ABCG2: variants seen among roughly 807,000 people sequenced by gnomAD.
ABCG2 encodes the protein broad substrate specificity ATP-binding cassette transporter ABCG2.
ABCG2 carries 80 observed loss-of-function variants against 73.5 expected under a neutral mutation model. That is an observed-to-expected ratio of 1.09 (90% CI 0.91 to 1.31). The LOEUF (loss-of-function observed/expected upper bound fraction) is 1.31, where lower values mean the gene tolerates loss of function less well. ABCG2 is among the 50% of genes most tolerant of loss of function. ABCG2 has a pLI of 0.00. For missense variants in ABCG2, 796 were observed against 786.2 expected (o/e 1.01, Z -0.15); for synonymous variants, 269 against 282.4 (o/e 0.95, Z 0.48).
At chr4:88,214,153 A>C (rs2110125783) in intron 1 of ABCG2, among the ~76,000 whole-genome samples, 1 of 151,194 alleles carries the variant, frequency 6.6e-6, no homozygotes, top group African/African-American at 2.4e-5. Flanking sequence ...ATGCCTGGCT[A>C]ATTTCTGTAT....
chr4:88,146,535 C>T (rs1726016028), intron 1 of ABCG2, among the ~76,000 whole-genome samples: 1 of 152,166 alleles, frequency 6.6e-6, no homozygotes, highest in African/African-American at 2.4e-5. Context: ...GCTGGGACTA[C>T]AGGCGCCCAC....
chr4:88,224,526 C>T lies in ABCG2; in HGVS notation c.-20+6468G>A, dbSNP rs546869033. On this transcript the variant is annotated intron_variant, in intron 1 of 15. Coordinates refer to the ABCG2 transcript ENST00000515655. ...TTTTTTTTTGAAACAGGGTCTCTCT[C>T]TGTTGCCCAGGCTGGAATGCAGTGG... Among the ~76,000 whole-genome samples, 6 of 151,824 alleles carry T rather than the reference C, an allele frequency of 4.0e-5. No individual in the cohort carries two copies. The South Asian group carries it at 1.2e-3, about 31-fold the overall frequency.
chr4:88,155,426 A>T (rs1467672361), intron 1 of ABCG2, among the ~76,000 whole-genome samples: 2 of 152,190 alleles, frequency 1.3e-5, no homozygotes, highest in Non-Finnish European at 2.9e-5. Flanking sequence ...CAGAGCCAGG[A>T]TGAGCCAGAA....
At chr4:88,144,610 A>G (rs745783831) in intron 1 of ABCG2, among the ~76,000 whole-genome samples, 3 of 151,634 alleles carry the variant, frequency 2.0e-5, no homozygotes, top group Non-Finnish European at 2.9e-5. Context: ...CCGATGCCAC[A>G]ACGCCCAACT....
chr4:88,118,119 A>G lies in ABCG2; in HGVS notation c.831T>C (p.Phe277=), dbSNP rs375693664. Residue 277 remains phenylalanine (F), a synonymous_variant, in exon 7 of 16, where the codon TTT becomes TTC. Transcript: ENST00000237612. ...AAAAGTCAACCATACCAGCTGATTC[A>G]AAGTATCCCAAGGCCTCCTGAGCAG... is the stretch of plus-strand genomic sequence containing the variant. ...HGPAQEALGY[F]ESAGYHCEAY... The G allele has an allele frequency of 3.7e-6, 6 of 1,612,788 alleles. No homozygotes were observed. Among genetic ancestry groups the G allele is most frequent in the Middle Eastern group, 1.6e-4 (1 of 6,078 alleles).
At chr4:88,155,070 C>T (rs1726845000) in intron 1 of ABCG2, among the ~76,000 whole-genome samples, 1 of 151,952 alleles carries the variant, frequency 6.6e-6, no homozygotes, top group East Asian at 1.9e-4. Context: ...TCAGGGAGAG[C>T]TAGGGTGGGG....
upstream of ABCG2, among the ~76,000 whole-genome samples, chr4:88,160,145 G>A (rs372906438): frequency 7.1e-4 from 107 of 151,630 alleles, 6 homozygotes; most frequent in South Asian, 0.02. Flanking sequence ...CGAGGCTAAG[G>A]AACAAGAAGC....
At chr4:88,177,103 T>G (rs1009108120) in intron 1 of ABCG2, among the ~76,000 whole-genome samples, 2 of 152,208 alleles carry the variant, frequency 1.3e-5, no homozygotes, top group Admixed American at 6.5e-5. Context: ...CCGGGCGCAG[T>G]GGCTCACGCC....
chr4:88,092,535 C>T (rs1427607959), intron 15 of ABCG2, among the ~76,000 whole-genome samples, 154 bp from the exon 16 acceptor site: 3 of 152,152 alleles, frequency 2.0e-5, no homozygotes, highest in Admixed American at 6.5e-5. Flanking sequence ...TGTGTGTTTA[C>T]AATTTTGCTA....
intron 1 of ABCG2, among the ~76,000 whole-genome samples, chr4:88,210,223 A>T (rs1402458161): frequency 6.6e-6 from 1 of 151,472 alleles, no homozygotes; most frequent in Non-Finnish European, 1.5e-5. Flanking sequence ...ACACACACAT[A>T]TACATATATA....
chr4:88,225,050 T>C (rs1177586042), intron 1 of ABCG2, among the ~76,000 whole-genome samples: 2 of 152,194 alleles, frequency 1.3e-5, no homozygotes, highest in Non-Finnish European at 2.9e-5. Context: ...TGGATGTCTG[T>C]CTTTATGTTA....
intron 1 of ABCG2, among the ~76,000 whole-genome samples, chr4:88,174,032 G>A (rs1231199461): frequency 6.6e-6 from 1 of 152,090 alleles, no homozygotes; most frequent in African/African-American, 2.4e-5. Context: ...AGAAATTCAT[G>A]TTGAAGTGCT....
At chr4:88,142,576 A>C (rs776554371) in intron 1 of ABCG2, among the ~76,000 whole-genome samples, 1 of 152,166 alleles carries the variant, frequency 6.6e-6, no homozygotes, top group Non-Finnish European at 1.5e-5. Context: ...AAGCAGTGAA[A>C]GAGAAGGCAC....
At chr4:88,168,435 TG>T (rs2110091233) in intron 1 of ABCG2, among the ~76,000 whole-genome samples, 1 of 150,976 alleles carries the variant, frequency 6.6e-6, no homozygotes, top group South Asian at 2.1e-4. Context: ...TGCAGTGAGC[TG>T]GGATCTCGCC....
chr4:88,130,134 A>G (rs1408021335), intron 5 of ABCG2, among the ~76,000 whole-genome samples: 1 of 152,220 alleles, frequency 6.6e-6, no homozygotes, highest in African/African-American at 2.4e-5. Flanking sequence ...TGAAACATAT[A>G]GAGCAGGGGT....
chr4:88,133,031 A>G (rs950772714), intron 2 of ABCG2, among the ~76,000 whole-genome samples: 3 of 152,296 alleles, frequency 2.0e-5, no homozygotes, highest in Admixed American at 1.3e-4. Context: ...TCTCTAACCC[A>G]TTTATATTTT....
upstream of ABCG2, chr4:88,158,819 G>A: frequency 1.5e-5 from 5 of 336,242 alleles, no homozygotes; most frequent in South Asian, 8.8e-5. Flanking sequence ...GCCGCCTGGG[G>A]AGACCCGGAC....
intron 9 of ABCG2, 70 bp from the exon 10 acceptor site, chr4:88,107,336 T>A: frequency 1.7e-5 from 17 of 1,008,444 alleles, no homozygotes; most frequent in Admixed American, 2.4e-5. Context: ...TACACACCAT[T>A]TATTAGTATA....
chr4:88,132,643 C>T lies in ABCG2; in HGVS notation c.204-8G>A, dbSNP rs1724977802. 1 of 1,614,070 alleles carries T rather than the reference C, an allele frequency of 6.2e-7. No individual in the cohort carries two copies. Among genetic ancestry groups the T allele is most frequent in the South Asian group, 1.1e-5 (1 of 91,078 alleles). On this transcript the variant is annotated splice_polypyrimidine_tract_variant and splice_region_variant and intron_variant, in intron 2 of 15. Coordinates refer to ENST00000237612, the MANE Select transcript of ABCG2 (RefSeq NM_004827.3). Reference sequence around the variant, plus strand: ...CCAGGTTTCATGATCCCACTGTAAACACAAAAACAGACTGATTTACTATTC... The same window carrying T: ...CCAGGTTTCATGATCCCACTGTAAATACAAAAACAGACTGATTTACTATTC...
Sources: gnomAD v4.1 joint callset for allele counts (sites outside exome capture counted in the v4.1 genomes callset) on GRCh38, gnomAD v4.1.1 for gene constraint, MANE v1.5 for transcripts, NCBI Gene and HGNC (gene_info 2026-07-23, HGNC 2026-07-21) for gene names.